Variants in PTPRD observed in about 807,000 individuals in gnomAD.
The protein encoded by PTPRD is protein tyrosine phosphatase receptor type D, also known as receptor-type tyrosine-protein phosphatase delta.
In PTPRD, 34 loss-of-function variants were observed where a neutral mutation model predicts 214.5. The observed-to-expected ratio is 0.16, with a 90% confidence interval of 0.12 to 0.21. The LOEUF (loss-of-function observed/expected upper bound fraction) is 0.21, where lower values mean the gene tolerates loss of function less well. Among genes scored for constraint, PTPRD ranks in the 10% least tolerant of loss-of-function variants. The pLI is 1.00. For missense variants in PTPRD, 2,545 were observed against 2,398.7 expected (o/e 1.06, Z -1.27); for synonymous variants, 1,128 against 845.7 (o/e 1.33, Z -5.79).
intron 11 of PTPRD, among the ~76,000 whole-genome samples, chr9:8,747,630 G>A (rs967213328): frequency 1.3e-5 from 2 of 152,172 alleles, no homozygotes; most frequent in African/African-American, 4.8e-5. Flanking sequence ...CCAGTACTCA[G>A]AAGAAGAAAT....
chr9:9,032,896 C>T (rs575502530), intron 10 of PTPRD, among the ~76,000 whole-genome samples: 35 of 152,240 alleles, frequency 2.3e-4, no homozygotes, highest in African/African-American at 7.7e-4. Context: ...CCCTTCCAGC[C>T]GGCCTTCTTG....
At chr9:9,848,719 ATCT>A (rs1462732053) in intron 5 of PTPRD, among the ~76,000 whole-genome samples, 4 of 152,108 alleles carry the variant, frequency 2.6e-5, no homozygotes. Flanking sequence ...ATATCCTTAC[ATCT>A]TCATCATTTT....
chr9:10,493,819 G>T (rs907225939), intron 2 of PTPRD, among the ~76,000 whole-genome samples: 1 of 151,934 alleles, frequency 6.6e-6, no homozygotes, highest in South Asian at 2.1e-4. Context: ...ATTTAAGTGT[G>T]CCATACACAC....
At chr9:9,511,469 A>G (rs1222101921) in intron 8 of PTPRD, among the ~76,000 whole-genome samples, 2 of 151,764 alleles carry the variant, frequency 1.3e-5, no homozygotes, top group Non-Finnish European at 2.9e-5. Flanking sequence ...AGGCTGATAG[A>G]AATTTATAAT....
At chr9:10,350,311 T>C (rs1740502980) in intron 2 of PTPRD, among the ~76,000 whole-genome samples, 1 of 152,168 alleles carries the variant, frequency 6.6e-6, no homozygotes, top group Non-Finnish European at 1.5e-5. Context: ...CCAAGTCAAT[T>C]TATCTTGTAA....
At chr9:9,856,571 G>A (rs150220637) in intron 5 of PTPRD, among the ~76,000 whole-genome samples, 253 of 152,002 alleles carry the variant, frequency 1.7e-3, no homozygotes, top group Non-Finnish European at 2.9e-3. Context: ...GGTATGAAAT[G>A]GGATGAGTGA....
intron 7 of PTPRD, among the ~76,000 whole-genome samples, chr9:9,612,770 A>G (rs1176920484): frequency 6.6e-6 from 1 of 152,146 alleles, no homozygotes; most frequent in Non-Finnish European, 1.5e-5. Flanking sequence ...TGCTTGGACT[A>G]TTTTGATTCA....
At chr9:9,943,272 G>C (rs1464644270) in intron 4 of PTPRD, among the ~76,000 whole-genome samples, 1 of 152,076 alleles carries the variant, frequency 6.6e-6, no homozygotes, top group Non-Finnish European at 1.5e-5. Context: ...TTTGTCAGAG[G>C]GCTGCAGTGG....
intron 2 of PTPRD, among the ~76,000 whole-genome samples, chr9:10,606,914 G>A (rs1029852740): frequency 1.6e-4 from 24 of 151,822 alleles, no homozygotes; most frequent in Non-Finnish European, 2.8e-4. Context: ...AGCTGATTAC[G>A]TAAATATTTG....
chr9:10,512,435 G>T (rs1489995189), intron 2 of PTPRD, among the ~76,000 whole-genome samples: 4 of 152,034 alleles, frequency 2.6e-5, no homozygotes, highest in Non-Finnish European at 1.5e-5. Flanking sequence ...CTAATGGAAA[G>T]GGCCGGAGGA....
chr9:8,626,003 GCT>G (rs1340623080), intron 14 of PTPRD, among the ~76,000 whole-genome samples: 1 of 151,604 alleles, frequency 6.6e-6, no homozygotes, highest in Non-Finnish European at 1.5e-5. Context: ...TAAGTTACTT[GCT>G]CTTCTAAGGA....
chr9:9,799,286 G>C (rs1221150109), intron 5 of PTPRD: 1 of 152,124 alleles, frequency 6.6e-6, no homozygotes, highest in Non-Finnish European at 1.5e-5. Context: ...ATCTTACAGA[G>C]AGAGCAATTA....
At chr9:10,502,517 A>T (rs1034690667) in intron 2 of PTPRD, among the ~76,000 whole-genome samples, 32 of 152,182 alleles carry the variant, frequency 2.1e-4, no homozygotes, top group African/African-American at 7.7e-4. Context: ...CAACTATTTG[A>T]TTAAAGGTCA....
chr9:9,488,828 C>A (rs193182541), intron 8 of PTPRD, among the ~76,000 whole-genome samples: 3 of 152,272 alleles, frequency 2.0e-5, no homozygotes, highest in Admixed American at 2.0e-4. Flanking sequence ...AGCCACACTG[C>A]AAGCAGCTGT....
intron 7 of PTPRD, among the ~76,000 whole-genome samples, chr9:9,634,251 T>G (rs536806907): frequency 4.0e-4 from 61 of 152,206 alleles, no homozygotes; most frequent in Non-Finnish European, 7.6e-4. Flanking sequence ...CTATAAACAT[T>G]AAAGTACCTA....
intron 3 of PTPRD, among the ~76,000 whole-genome samples, chr9:10,271,549 C>CGT (rs538558545): frequency 0.011 from 545 of 51,566 alleles, 4 homozygotes; most frequent in African/African-American, 0.022. Context: ...CTTTTCTTTT[C>CGT]TTTTTTTTTT....
chr9:9,976,919 G>A lies in PTPRD; in HGVS notation c.-471-38309C>T, dbSNP rs542580325. The stretch of plus-strand genomic sequence containing the variant: ...CAAATTTGATTTGGCGATTGGTTTG[G>A]CAATAAGGATTAACTTTGCTGTTGA... On this transcript the variant is annotated intron_variant, in intron 4 of 45. Coordinates refer to ENST00000381196, the MANE Select transcript of PTPRD (RefSeq NM_002839.4). Among the ~76,000 whole-genome samples the A allele has an allele frequency of 4.6e-5, 7 of 151,980 alleles. No homozygotes were observed. The South Asian group carries it at 1.5e-3, about 32-fold the overall frequency.
At chr9:8,529,436 C>A (rs2075103245) in intron 14 of PTPRD, among the ~76,000 whole-genome samples, 1 of 152,092 alleles carries the variant, frequency 6.6e-6, no homozygotes, top group Non-Finnish European at 1.5e-5. Flanking sequence ...AGAGCAAAAG[C>A]AACTCCTTAT....
chr9:8,920,487 G>A (rs2098819928), intron 11 of PTPRD, among the ~76,000 whole-genome samples: 1 of 152,146 alleles, frequency 6.6e-6, no homozygotes, highest in African/African-American at 2.4e-5. Context: ...CTCTAAGCCA[G>A]GGGTATCCAA....
Sources: allele counts gnomAD v4.1 joint callset (sites outside exome capture counted in the v4.1 genomes callset), GRCh38; gene constraint gnomAD v4.1.1; transcripts MANE v1.5; gene names NCBI Gene and HGNC (gene_info 2026-07-23, HGNC 2026-07-21).